ZFP62: variants seen among roughly 807,000 people sequenced by gnomAD.
ZFP62 encodes the protein zinc finger protein 62 homolog.
Under a neutral mutation model 56.4 loss-of-function variants are expected in ZFP62, and 44 were observed. The observed-to-expected ratio is 0.78, with a 90% CI of 0.61 to 1.00. The LOEUF (loss-of-function observed/expected upper bound fraction) is 1.00, where lower values mean the gene tolerates loss of function less well. Ranked by LOEUF, ZFP62 falls within the 50% of genes least tolerant of loss-of-function variation. The pLI is 0.00. For missense variants in ZFP62, 1,030 were observed against 1,085.7 expected, an observed-to-expected ratio of 0.95 and a Z score of 0.72; for synonymous variants, 421 against 388.9, an observed-to-expected ratio of 1.08 and a Z score of -0.97.
chr5:180,855,236 T>C (rs1217425423), intron 1 of ZFP62, among the ~76,000 whole-genome samples: 2 of 152,238 alleles, frequency 1.3e-5, no homozygotes, highest in African/African-American at 4.8e-5. Context: ...TTCGTATTCT[T>C]GAATTTTTTC....
chr5:180,855,718 C>A (rs932034322), intron 1 of ZFP62, among the ~76,000 whole-genome samples: 1 of 152,160 alleles, frequency 6.6e-6, no homozygotes, highest in African/African-American at 2.4e-5. Context: ...ATTCTATTGC[C>A]TAAGTAGTTC....
At position 180,847,626 on chromosome 5, in the gene ZFP62, T is replaced by C. The variant is rs779016026; in HGVS notation, c.*1166A>G. The stretch of plus-strand genomic sequence containing the variant: ...TCACAGCCCGTTTTGATTTAAGGAA[T>C]TTCTTTATTGGAATTCCACTTTACC... On this transcript the variant is annotated 3_prime_UTR_variant, in exon 2 of 2. Transcript: ENST00000502412. 3.2e-5 allele frequency: 32 copies of C among 985,326 alleles called. No individual in the cohort carries two copies. The highest frequency in any genetic ancestry group is 4.7e-5 in the South Asian group (1 of 21,296). 61.0% of individuals were successfully genotyped at this position (985,326 alleles called of 1,614,324 possible).
At chr5:180,827,860 G>C in the ZFP62 span, among the ~76,000 whole-genome samples, 1 of 152,234 alleles carries the variant, frequency 6.6e-6, no homozygotes, top group East Asian at 1.9e-4. Flanking sequence ...CTGGAGGTGG[G>C]ACATGCGGGC....
intron 1 of ZFP62, among the ~76,000 whole-genome samples, chr5:180,852,305 C>T (rs1773752556): frequency 6.6e-6 from 1 of 152,080 alleles, no homozygotes; most frequent in African/African-American, 2.4e-5. Context: ...CACCTGTAAT[C>T]CCACCACTTT....
the ZFP62 span, chr5:180,831,231 T>G: frequency 1.3e-5 from 2 of 152,748 alleles, no homozygotes; most frequent in Non-Finnish European, 2.9e-5. Flanking sequence ...AGGCCTCAGG[T>G]CAGCGCCGCC....
the ZFP62 span, among the ~76,000 whole-genome samples, chr5:180,839,474 C>A: frequency 1.3e-5 from 2 of 152,164 alleles, no homozygotes; most frequent in African/African-American, 2.4e-5. Context: ...ATGAGTGGAG[C>A]TGGAGGCCAT....
At chr5:180,854,049 T>C (rs1019349533) in intron 1 of ZFP62, among the ~76,000 whole-genome samples, 15 of 152,342 alleles carry the variant, frequency 9.8e-5, no homozygotes, top group Admixed American at 9.2e-4. Flanking sequence ...TAGTTCTGTT[T>C]GCTGAAAGCC....
At chr5:180,834,775 GT>G in the ZFP62 span, 1 of 152,252 alleles carries the variant, frequency 6.6e-6, no homozygotes, top group Non-Finnish European at 1.5e-5. Flanking sequence ...CCCTGTGATA[GT>G]TTTAGGTGTC....
downstream of ZFP62, among the ~76,000 whole-genome samples, chr5:180,846,488 C>T (rs149774946): frequency 3.7e-4 from 57 of 152,334 alleles, 1 homozygote; most frequent in East Asian, 7.7e-3. Context: ...CCCACGACTA[C>T]GGGGAACGAG....
chr5:180,835,931 A>T, the ZFP62 span, among the ~76,000 whole-genome samples: 9 of 152,272 alleles, frequency 5.9e-5, no homozygotes, highest in Admixed American at 3.9e-4. Context: ...CATTTTGGTC[A>T]GCAGCAGGCT....
chr5:180,855,193 A>G lies in ZFP62; in HGVS notation c.2-3700T>C, dbSNP rs146127260. 2.5e-3 allele frequency among the ~76,000 whole-genome samples: 379 copies of G among 152,366 alleles called. 2 individuals carry two copies. The highest frequency in any genetic ancestry group is 8.5e-3 in the African/African-American group (353 of 41,586). On this transcript the variant is annotated intron_variant, in intron 1 of 1. Coordinates refer to ENST00000502412, the MANE Select transcript of ZFP62 (RefSeq NM_001172638.2). ...CAAAATGAAGTCAAATGTTAACTGC[A>G]GGTAAATCTGAGTGATGGGAATCTT...
chr5:180,845,575 G>T, downstream of ZFP62: 2 of 360,824 alleles, frequency 5.5e-6, no homozygotes, highest in Non-Finnish European at 7.7e-6. Context: ...TGGCTCCTCA[G>T]TAGGAAGACA....
chr5:180,833,766 G>A, the ZFP62 span, among the ~76,000 whole-genome samples: 1 of 151,540 alleles, frequency 6.6e-6, no homozygotes, highest in South Asian at 2.1e-4. Flanking sequence ...TGCCTCCCGG[G>A]TTCAAGCGAT....
downstream of ZFP62, among the ~76,000 whole-genome samples, chr5:180,845,426 T>G (rs1400822012): frequency 6.7e-6 from 1 of 150,306 alleles, no homozygotes; most frequent in East Asian, 2.0e-4. Context: ...GTGAAAGTCC[T>G]TATTTGAACT....
At chr5:180,845,720 C>T (rs1773397844), downstream of ZFP62, 3 of 985,276 alleles carry the variant, frequency 3.0e-6, no homozygotes, top group South Asian at 4.7e-5. Context: ...GGTCTTGATG[C>T]AGACAGACTT....
the ZFP62 span, chr5:180,834,741 G>C: frequency 6.6e-6 from 1 of 152,256 alleles, no homozygotes. Flanking sequence ...CTTCTGGTGG[G>C]TTTACCAGTT....
At chr5:180,855,610 T>C (rs560019608) in intron 1 of ZFP62, among the ~76,000 whole-genome samples, 2 of 152,168 alleles carry the variant, frequency 1.3e-5, no homozygotes, top group African/African-American at 4.8e-5. Flanking sequence ...CCCTCTCAAT[T>C]ACAGAGCCTC....
the ZFP62 span, chr5:180,830,737 G>T: frequency 6.6e-6 from 1 of 152,026 alleles, no homozygotes; most frequent in Non-Finnish European, 1.5e-5. Flanking sequence ...AAGCAGAACA[G>T]CAGCTAAAGC....
intron 1 of ZFP62, 95 bp downstream of exon 1, chr5:180,861,124 G>A (rs558377235): frequency 1.0e-5 from 4 of 398,782 alleles, no homozygotes; most frequent in Admixed American, 8.8e-5. Flanking sequence ...CATCCCGCCC[G>A]AGACCCGCGG....
Sources: gnomAD v4.1 joint callset for allele counts (sites outside exome capture counted in the v4.1 genomes callset) on GRCh38, gnomAD v4.1.1 for gene constraint, MANE v1.5 for transcripts, NCBI Gene and HGNC (gene_info 2026-07-23, HGNC 2026-07-21) for gene names.